MPHOSPH8: variants seen among roughly 807,000 people sequenced by gnomAD.
The protein encoded by MPHOSPH8 is M-phase phosphoprotein, mpp.
In MPHOSPH8, 45 loss-of-function variants were observed where a neutral mutation model predicts 87.3. The observed-to-expected ratio is 0.52, with a 90% CI of 0.41 to 0.66. MPHOSPH8 has a LOEUF of 0.66. MPHOSPH8 is among the 30% of genes least tolerant of loss of function. The pLI is 0.00. For missense variants in MPHOSPH8, 883 were observed against 1,020.2 expected (o/e 0.87, Z 1.83); for synonymous variants, 366 against 376.9 (o/e 0.97, Z 0.33).
At chr13:19,656,485 C>T (rs1026376117) in intron 5 of MPHOSPH8, among the ~76,000 whole-genome samples, 2 of 152,218 alleles carry the variant, frequency 1.3e-5, no homozygotes, top group African/African-American at 2.4e-5. Flanking sequence ...TCAGGCCGGG[C>T]GCGGTGGCTC....
chr13:19,673,086 CG>C lies in MPHOSPH8; in HGVS notation c.*1213del, dbSNP rs10706287. 295,315 of 431,708 alleles carry C rather than the reference CG, an allele frequency of 0.68. 106,558 individuals are homozygous for C. The highest frequency in any genetic ancestry group is 0.89 in the East Asian group (12,338 of 13,934). The allele number at this position is 431,708 out of a possible 1,614,324, so 26.7% of individuals were successfully genotyped here. A position where few individuals can be genotyped will look rare whatever the true frequency, so the allele number is the denominator to read the frequency against. ...AAAAAAAAGTTTCTTGGAACCTATA[CG>C]GTTTTTTTTTGTTTTTTTTTTTTGA... On this transcript the variant is annotated 3_prime_UTR_variant, in exon 14 of 14. Coordinates refer to ENST00000361479, the MANE Select transcript of MPHOSPH8 (RefSeq NM_017520.4).
chr13:19,644,280 C>T (rs1004712691), intron 2 of MPHOSPH8, among the ~76,000 whole-genome samples: 1 of 152,182 alleles, frequency 6.6e-6, no homozygotes, highest in Non-Finnish European at 1.5e-5. Context: ...TATCTTCTCC[C>T]TGCCCTCTCT....
rs1050934661 is a variant in MPHOSPH8 at position 19,633,839 on chromosome 13, G to A, written c.91G>A (p.Val31Ile). The A allele has an allele frequency of 6.2e-7, 1 of 1,611,006 alleles. No homozygotes were observed. Among genetic ancestry groups the A allele is most frequent in the Non-Finnish European group, 8.5e-7 (1 of 1,178,900 alleles). The change falls in exon 1 of 14, where the codon GTT becomes ATT. Residue 31 changes from valine (V) to isoleucine (I), a missense_variant. Physicochemically the swap from Val to Ile is conservative, Grantham distance 29. Transcript: ENST00000361479. ...TEELAEVEEG[V>I]GVVGEDNDAA... The stretch of plus-strand genomic sequence containing the variant: ...GGAGTTGGCCGAAGTCGAAGAAGGA[G>A]TTGGAGTAGTGGGCGAAGATAATGA...
chr13:19,670,320 A>G lies in MPHOSPH8; in HGVS notation c.2414A>G (p.Gln805Arg), dbSNP rs1440982457. ...IARLCGPCSVQAVVLNDKFQL... is the reference protein window; with the variant it reads ...IARLCGPCSVRAVVLNDKFQL... ...CGGCTCTGTGGACCGTGTAGTGTAC[A>G]AGCTGTAGTTCTGAATGATAAATTT... The change falls in exon 12 of 14, where the codon CAA becomes CGA. Residue 805 changes from glutamine to arginine, a missense_variant. Coordinates refer to ENST00000361479, the MANE Select transcript of MPHOSPH8 (RefSeq NM_017520.4). 1.2e-6 allele frequency: 2 copies of G among 1,614,166 alleles called. No homozygotes were observed. Among genetic ancestry groups the G allele is most frequent in the Non-Finnish European group, 1.7e-6 (2 of 1,179,986 alleles).
chr13:19,652,037 GGTT>G (rs762413942), intron 5 of MPHOSPH8, among the ~76,000 whole-genome samples: 10 of 152,184 alleles, frequency 6.6e-5, no homozygotes, highest in Non-Finnish European at 1.3e-4. Context: ...AGGAGGCAGA[GGTT>G]GTGGTGAGCC....
intron 5 of MPHOSPH8, among the ~76,000 whole-genome samples, chr13:19,655,836 C>T (rs960460655): frequency 9.2e-5 from 14 of 152,172 alleles, no homozygotes; most frequent in Non-Finnish European, 1.6e-4. Flanking sequence ...ATAGCTGTCA[C>T]CCAGGCGGGA....
intron 5 of MPHOSPH8, 33 bp from the exon 6 acceptor site, chr13:19,658,962 A>AAT (rs1463896311): frequency 6.3e-7 from 1 of 1,595,768 alleles, no homozygotes; most frequent in South Asian, 1.2e-5. Flanking sequence ...ACTTCAGACA[A>AAT]ATGTATGTTA....
At position 19,648,652 on chromosome 13, in the gene MPHOSPH8, TATG is replaced by T. The variant is rs1016261321; in HGVS notation, c.1318+136_1318+138del. ...TTTTCACCTTGTTTTTCCTTTTTAATATGATGAGGGATCTGATTAGAATTACTG... is the reference window on the plus strand; with the variant it reads ...TTTTCACCTTGTTTTTCCTTTTTAATATGAGGGATCTGATTAGAATTACTG... On this transcript the variant is annotated intron_variant, in intron 4 of 13. Coordinates refer to ENST00000361479, the MANE Select transcript of MPHOSPH8 (RefSeq NM_017520.4). The T allele has an allele frequency of 2.1e-5, 7 of 326,768 alleles. No individual in the cohort carries two copies. The South Asian group carries it at 8.7e-4, about 41-fold the overall frequency. 20.2% of individuals were successfully genotyped at this position (326,768 alleles called of 1,614,324 possible).
chr13:19,633,773 A>G lies in MPHOSPH8; in HGVS notation c.25A>G (p.Arg9Gly), dbSNP rs1289671870. The G allele has an allele frequency of 3.7e-6, 6 of 1,603,222 alleles. No individual in the cohort carries two copies. Among genetic ancestry groups the G allele is most frequent in the South Asian group, 2.2e-5 (2 of 88,898 alleles). The change falls in exon 1 of 14, where the codon AGG becomes GGG. Residue 9 changes from arginine (R) to glycine (G), a missense_variant. Arg to Gly is a moderately radical substitution (Grantham distance 125, BLOSUM62 -2). Coordinates refer to ENST00000361479, the MANE Select transcript of MPHOSPH8 (RefSeq NM_017520.4). ...GATGGAGCAGGTTGCGGAGGGAGCAAGGGTGACCGCAGTCCCTGTGTCAGC... is the reference window on the plus strand; with the variant it reads ...GATGGAGCAGGTTGCGGAGGGAGCAGGGGTGACCGCAGTCCCTGTGTCAGC... MEQVAEGARVTAVPVSAAD... is the reference protein window; with the variant it reads MEQVAEGAGVTAVPVSAAD...
Position 19,648,505 on chromosome 13 carries a change from G to A in MPHOSPH8, c.1302G>A (p.Glu434=). Residue 434 remains glutamate (E), a synonymous_variant, in exon 4 of 14, where the codon GAG becomes GAA. Transcript: ENST00000361479. ...DSDKEEKGRK[E]PKGLKTLKEI... is the part of the protein sequence containing the mutation. Reference sequence around the variant, plus strand: ...ACAAGGAAGAAAAAGGCAGAAAAGAGCCAAAAGGATTAAAGAGTGAGTGTA... The same window carrying A: ...ACAAGGAAGAAAAAGGCAGAAAAGAACCAAAAGGATTAAAGAGTGAGTGTA... The A allele has an allele frequency of 1.9e-6, 3 of 1,574,500 alleles. No individual in the cohort carries two copies. The highest frequency in any genetic ancestry group is 3.4e-4 in the Middle Eastern group (2 of 5,890).
At position 19,663,146 on chromosome 13, in the gene MPHOSPH8, C is replaced by T; in HGVS notation, c.2019+20C>T. ...ATGAAGGTAAATCCCTCCTGCAGGT[C>T]ATCCCTTTCTTCACTACGTTGGCAG... is the stretch of plus-strand genomic sequence containing the variant. On this transcript the variant is annotated intron_variant, in intron 9 of 13. Transcript: ENST00000361479. 1 of 1,595,158 alleles carries T rather than the reference C, an allele frequency of 6.3e-7. No individual in the cohort carries two copies. Among genetic ancestry groups the T allele is most frequent in the Non-Finnish European group, 8.6e-7 (1 of 1,163,154 alleles).
rs1269580556 is a variant in MPHOSPH8, at chr13:19,673,085, AC to A, written c.*1211del. ...AAAAAAAAAGTTTCTTGGAACCTAT[AC>A]GGTTTTTTTTTGTTTTTTTTTTTTG... On this transcript the variant is annotated 3_prime_UTR_variant, in exon 14 of 14. Coordinates refer to ENST00000361479, the MANE Select transcript of MPHOSPH8 (RefSeq NM_017520.4). 13 of 360,030 alleles carry A rather than the reference AC, an allele frequency of 3.6e-5. No individual in the cohort carries two copies. Among genetic ancestry groups the A allele is most frequent in the Admixed American group, 2.0e-4 (6 of 29,856 alleles). 22.3% of individuals were successfully genotyped at this position (360,030 alleles called of 1,614,324 possible). A position where few individuals can be genotyped will look rare whatever the true frequency, so the allele number is the denominator to read the frequency against.
chr13:19,638,389 C>T (rs1016469647), intron 1 of MPHOSPH8, among the ~76,000 whole-genome samples: 5 of 152,048 alleles, frequency 3.3e-5, no homozygotes, highest in East Asian at 1.9e-4. Flanking sequence ...CCGAGGCAGA[C>T]GGATCACGAG....
At chr13:19,652,952 C>A (rs1874941516) in intron 5 of MPHOSPH8, among the ~76,000 whole-genome samples, 1 of 152,146 alleles carries the variant, frequency 6.6e-6, no homozygotes, top group African/African-American at 2.4e-5. Context: ...AGATAAAACC[C>A]CCATCTCCCT....
rs1021626519 is a variant in MPHOSPH8 at position 19,673,229 on chromosome 13, G to A, written c.*1354G>A. 6 of 422,650 alleles carry A rather than the reference G, an allele frequency of 1.4e-5. No homozygotes were observed. The highest frequency in any genetic ancestry group is 2.3e-5 in the Non-Finnish European group (5 of 217,442). The allele number at this position is 422,650 out of a possible 1,614,324, so 26.2% of individuals were successfully genotyped here. ...ACCACCCTCTCTGGGAAGAGTTCCT[G>A]CTTCTGTATGGCAAGCATAAATCAA... On this transcript the variant is annotated 3_prime_UTR_variant, in exon 14 of 14. Transcript: ENST00000361479.
At chr13:19,671,125 A>C (rs1481162174) in intron 12 of MPHOSPH8, 81 bp from the exon 13 acceptor site, 1 of 1,534,072 alleles carries the variant, frequency 6.5e-7, no homozygotes, top group African/African-American at 1.4e-5. Flanking sequence ...CTTATTTATG[A>C]TTCTTTTACA....
intron 1 of MPHOSPH8, 131 bp downstream of exon 1, chr13:19,634,092 C>T (rs2298004): frequency 0.11 from 104,605 of 939,794 alleles, 6,770 homozygotes; most frequent in African/African-American, 0.19. Context: ...AATGCAAGCA[C>T]GCGAAATCGT....
In MPHOSPH8 at chr13:19,662,962, A is replaced by G; in HGVS notation, c.1933-78A>G. 3.2e-6 allele frequency: 4 copies of G among 1,256,178 alleles called. No homozygotes were observed. The South Asian group carries it at 5.0e-5, about 16-fold the overall frequency. 77.8% of individuals were successfully genotyped at this position (1,256,178 alleles called of 1,614,324 possible). On this transcript the variant is annotated intron_variant, in intron 8 of 13. Transcript: ENST00000361479. ...AACCTGCTGGGTATTTTTCCTGATG[A>G]CTAAAAATTTCAAAATATCTGAAAA...
intron 1 of MPHOSPH8, among the ~76,000 whole-genome samples, chr13:19,634,378 G>A (rs1238348805): frequency 2.0e-5 from 3 of 152,168 alleles, no homozygotes; most frequent in African/African-American, 7.2e-5. Context: ...AAATCTTCCG[G>A]AATTTTCATT....
Sources: gnomAD v4.1 joint callset for allele counts (sites outside exome capture counted in the v4.1 genomes callset) on GRCh38, gnomAD v4.1.1 for gene constraint, MANE v1.5 for transcripts, NCBI Gene and HGNC (gene_info 2026-07-23, HGNC 2026-07-21) for gene names.